Variants in PIWIL1 observed in about 807,000 individuals in gnomAD.
PIWIL1 encodes piwi-like protein 1.
Under a neutral mutation model 114.4 loss-of-function variants are expected in PIWIL1, and 73 were observed. The observed-to-expected ratio is 0.64, with a 90% CI of 0.53 to 0.78. PIWIL1 has a LOEUF of 0.78. PIWIL1 is among the 30% of genes least tolerant of loss of function. PIWIL1 has a pLI of 0.00. For synonymous variants in PIWIL1, 375 were observed against 369.0 expected (o/e 1.02, Z -0.19); for missense variants, 723 against 1,063.1 (o/e 0.68, Z 4.45).
At chr12:130,363,458 C>T (rs2073568906) in intron 18 of PIWIL1, among the ~76,000 whole-genome samples, 2 of 152,066 alleles carry the variant, frequency 1.3e-5, no homozygotes, top group South Asian at 2.1e-4. Flanking sequence ...CATCCAAAGG[C>T]GTCCACAGGA....
the PIWIL1 span, chr12:130,398,243 C>T: frequency 6.6e-6 from 1 of 152,216 alleles, no homozygotes; most frequent in African/African-American, 2.4e-5. Context: ...AGGACGACTT[C>T]ACCTCGCTTC....
the PIWIL1 span, among the ~76,000 whole-genome samples, chr12:130,413,183 G>C: frequency 6.6e-6 from 1 of 152,208 alleles, no homozygotes; most frequent in Non-Finnish European, 1.5e-5. Flanking sequence ...TACGTAACAA[G>C]ATAGTGCCAC....
chr12:130,382,355 G>T, the PIWIL1 span, among the ~76,000 whole-genome samples: 1 of 152,196 alleles, frequency 6.6e-6, no homozygotes, highest in Admixed American at 6.5e-5. Flanking sequence ...GGTCTGGTAA[G>T]CCTGGACCTG....
chr12:130,418,910 C>T, the PIWIL1 span, among the ~76,000 whole-genome samples: 2 of 152,188 alleles, frequency 1.3e-5, no homozygotes, highest in African/African-American at 4.8e-5. Flanking sequence ...TGCCTGAGGC[C>T]AGTCCCCCAA....
chr12:130,417,968 G>A, the PIWIL1 span, among the ~76,000 whole-genome samples: 3 of 152,128 alleles, frequency 2.0e-5, no homozygotes, highest in Non-Finnish European at 4.4e-5. Flanking sequence ...TGGCAGCAGA[G>A]AGAGCAGCAT....
At chr12:130,385,373 G>A in the PIWIL1 span, among the ~76,000 whole-genome samples, 2 of 152,038 alleles carry the variant, frequency 1.3e-5, no homozygotes, top group African/African-American at 2.4e-5. Flanking sequence ...ACATCCTTAC[G>A]TGGGTTTTTT....
the PIWIL1 span, among the ~76,000 whole-genome samples, chr12:130,389,826 A>G: frequency 1.3e-5 from 2 of 152,138 alleles, no homozygotes; most frequent in African/African-American, 4.8e-5. Context: ...CTTTTCTCGT[A>G]TAAAGTTATA....
the PIWIL1 span, among the ~76,000 whole-genome samples, chr12:130,382,343 C>T: frequency 6.6e-6 from 1 of 152,186 alleles, no homozygotes; most frequent in Non-Finnish European, 1.5e-5. Context: ...AGCTGCCTCC[C>T]GGGTCTGGTA....
intron 14 of PIWIL1, among the ~76,000 whole-genome samples, chr12:130,360,860 A>G (rs1266854494): frequency 2.6e-5 from 4 of 152,198 alleles, no homozygotes; most frequent in Admixed American, 2.0e-4. Flanking sequence ...TAATCTGTCT[A>G]CCTGTCACTT....
intron 11 of PIWIL1, 91 bp from the exon 12 acceptor site, chr12:130,355,462 G>A (rs2073338636): frequency 2.1e-6 from 2 of 947,432 alleles, no homozygotes; most frequent in Non-Finnish European, 3.5e-6. Context: ...CGACATTGGA[G>A]TGTGTTGTAG....
the PIWIL1 span, among the ~76,000 whole-genome samples, chr12:130,411,438 G>T: frequency 6.6e-6 from 1 of 152,190 alleles, no homozygotes; most frequent in African/African-American, 2.4e-5. Context: ...CTGGTATTAG[G>T]AGGATCACAT....
intron 12 of PIWIL1, 61 bp from the exon 13 acceptor site, chr12:130,356,855 CTG>C: frequency 8.6e-7 from 1 of 1,158,478 alleles, no homozygotes; most frequent in Non-Finnish European, 1.2e-6. Context: ...TTATTGAAGA[CTG>C]TTTGGCTTGA....
the PIWIL1 span, chr12:130,422,413 C>T: frequency 3.6e-5 from 51 of 1,423,394 alleles, no homozygotes; most frequent in African/African-American, 5.6e-5. The surrounding 1 kb of genome is among the most constrained non-coding windows in gnomAD (Gnocchi z 5.2). Flanking sequence ...CCACATGCTC[C>T]GCGGCTGAAA....
the PIWIL1 span, among the ~76,000 whole-genome samples, chr12:130,421,990 C>T: frequency 1.3e-5 from 2 of 152,178 alleles, no homozygotes; most frequent in Non-Finnish European, 2.9e-5. Flanking sequence ...ATTTCAGGGG[C>T]ACACTCAGCT....
chr12:130,340,960 C>T (rs2072903656), intron 1 of PIWIL1, among the ~76,000 whole-genome samples: 1 of 152,008 alleles, frequency 6.6e-6, no homozygotes, highest in Non-Finnish European at 1.5e-5. Context: ...CTGTAAAATA[C>T]AATAGGAAGT....
At chr12:130,370,700 C>T (rs4759663) in intron 19 of PIWIL1, among the ~76,000 whole-genome samples, 149,842 of 152,312 alleles carry the variant, frequency 0.98, 73,756 homozygotes, top group Middle Eastern at 1. Flanking sequence ...ATGAATTCTA[C>T]TTTTGTTAAA....
At chr12:130,406,246 G>A in the PIWIL1 span, 9 of 1,592,106 alleles carry the variant, frequency 5.7e-6, no homozygotes, top group African/African-American at 4.0e-5. Context: ...AGTTCGGCCT[G>A]TGGAGATGAA....
At chr12:130,414,337 G>C in the PIWIL1 span, 1 of 1,545,390 alleles carries the variant, frequency 6.5e-7, no homozygotes, top group Non-Finnish European at 8.7e-7. Flanking sequence ...AGAACAGAGC[G>C]GCAGTGAGCC....
the PIWIL1 span, chr12:130,425,952 T>C: frequency 1.3e-5 from 2 of 152,342 alleles, no homozygotes; most frequent in African/African-American, 4.8e-5. Flanking sequence ...TGAGGAGGCA[T>C]CGGGGCACAC....
Sources: gnomAD v4.1 joint callset for allele counts (sites outside exome capture counted in the v4.1 genomes callset) on GRCh38, gnomAD v4.1.1 for gene constraint, Gnocchi (gnomAD v3.1) non-coding constraint, MANE v1.5 for transcripts, NCBI Gene and HGNC (gene_info 2026-07-23, HGNC 2026-07-21) for gene names.